AJUBA: variants seen among roughly 807,000 people sequenced by gnomAD.
AJUBA encodes ajuba LIM protein.
A neutral mutation model predicts 53.3 loss-of-function variants in AJUBA; 20 were observed. The observed-to-expected ratio is 0.38, with a 90% CI of 0.26 to 0.55. The LOEUF (loss-of-function observed/expected upper bound fraction) is 0.55, where lower values mean the gene tolerates loss of function less well. AJUBA is among the 20% of genes least tolerant of loss of function. AJUBA has a pLI of 0.80. For missense variants in AJUBA, 580 were observed against 730.5 expected (o/e 0.79, Z 2.38); for synonymous variants, 296 against 306.2 (o/e 0.97, Z 0.35).
At position 22,981,497 on chromosome 14, in the gene AJUBA, G is replaced by GC. The variant is rs1327169406; in HGVS notation, c.769dup (p.Ala257GlyfsTer49). Reference sequence around the variant, plus strand: ...GGTCACAGAGTGTCGTCCGGGTTGCGCCCCCCGTCTCTCCAAGGGCCCCGC... The same window carrying GC: ...GGTCACAGAGTGTCGTCCGGGTTGCGCCCCCCCGTCTCTCCAAGGGCCCCGC... On this transcript the variant is annotated frameshift_variant, in exon 1 of 8. Coordinates refer to ENST00000262713, the MANE Select transcript of AJUBA (RefSeq NM_032876.6). LOFTEE classifies it high-confidence loss of function. The GC allele has an allele frequency of 1.3e-6, 2 of 1,588,266 alleles. No homozygotes were observed. Among genetic ancestry groups the GC allele is most frequent in the Non-Finnish European group, 8.5e-7 (1 of 1,170,184 alleles).
intron 1 of AJUBA, 32 bp from the exon 2 acceptor site, chr14:22,978,477 C>T (rs759847978): frequency 6.3e-7 from 1 of 1,594,860 alleles, no homozygotes; most frequent in South Asian, 1.1e-5. Context: ...ACTCTACTCC[C>T]CCAGGTCAAA....
At chr14:22,980,624 G>C (rs2045077697) in intron 1 of AJUBA, 1 of 985,206 alleles carries the variant, frequency 1.0e-6, no homozygotes, top group African/African-American at 1.7e-5. Flanking sequence ...GACTGGGGAG[G>C]GACAGCAGTT....
At chr14:22,974,513 A>G (rs760805602) in intron 6 of AJUBA, 1 of 432,050 alleles carries the variant, frequency 2.3e-6, no homozygotes, top group Non-Finnish European at 4.2e-6. Context: ...ATCATTTCTG[A>G]CCCCTTCCTA....
chr14:22,972,259 G>C lies in AJUBA; in HGVS notation c.*1184C>G, dbSNP rs539483747. ...TTTGGGATTGTGATGGATGCAATCC[G>C]GGACCCCTCTGAGAGGTGGCAAGTG... On this transcript the variant is annotated 3_prime_UTR_variant, in exon 8 of 8. Coordinates refer to ENST00000262713, the MANE Select transcript of AJUBA (RefSeq NM_032876.6). 1 of 152,232 alleles carries C rather than the reference G, an allele frequency of 6.6e-6. No individual in the cohort carries two copies. The highest frequency in any genetic ancestry group is 1.5e-5 in the Non-Finnish European group (1 of 68,032). 9.4% of individuals were successfully genotyped at this position (152,232 alleles called of 1,614,324 possible).
In AJUBA at chr14:22,976,696, G is replaced by C. The variant is rs2045040102; in HGVS notation, c.1125C>G (p.Cys375Trp). 6.2e-7 allele frequency: 1 copy of C among 1,613,904 alleles called. No homozygotes were observed. The highest frequency in any genetic ancestry group is 1.7e-5 in the Admixed American group (1 of 59,982). ...AGCCATTGACACTGTAGAAAGCCTTGCAACGCAAAGTTCGCCCTAGAAACA... is the reference window on the plus strand; with the variant it reads ...AGCCATTGACACTGTAGAAAGCCTTCCAACGCAAAGTTCGCCCTAGAAACA... Reference protein sequence around the residue: ...VCCSCGRTLRCKAFYSVNGSV... With the variant: ...VCCSCGRTLRWKAFYSVNGSV... The change falls in exon 3 of 8, where the codon TGC (cysteine) becomes TGG (tryptophan). Residue 375 changes from cysteine to tryptophan, a missense_variant. Cys to Trp is a radical substitution (Grantham distance 215). Around this residue, in one of 2 missense-constraint regions of AJUBA, gnomAD observed 150 missense variants for 259.0 expected, o/e 0.58. Transcript: ENST00000262713.
At position 22,982,232 on chromosome 14, in the gene AJUBA, A is replaced by G. The variant is rs1265884857; in HGVS notation, c.35T>C (p.Leu12Pro). Reference protein sequence around the residue: ...ERLGEKASRLLEKFGRRKGES... With the variant: ...ERLGEKASRLPEKFGRRKGES... Reference sequence around the variant, plus strand: ...ACCCTTTCTGCGGCCGAACTTCTCCAGCAGGCGACTGGCTTTCTCTCCTAA... The same window carrying G: ...ACCCTTTCTGCGGCCGAACTTCTCCGGCAGGCGACTGGCTTTCTCTCCTAA... The change falls in exon 1 of 8, where the codon CTG (leucine) becomes CCG (proline). Residue 12 changes from leucine to proline, a missense_variant. Leu to Pro is a moderately conservative substitution (Grantham distance 98). Around this residue, in one of 2 missense-constraint regions of AJUBA, gnomAD observed 430 missense variants for 471.5 expected, o/e 0.91. Coordinates refer to ENST00000262713, the MANE Select transcript of AJUBA (RefSeq NM_032876.6). 1 of 1,613,842 alleles carries G rather than the reference A, an allele frequency of 6.2e-7. No individual in the cohort carries two copies. The highest frequency in any genetic ancestry group is 1.7e-5 in the Admixed American group (1 of 60,026).
chr14:22,981,961 A>C lies in AJUBA; in HGVS notation c.306T>G (p.Pro102=). The C allele has an allele frequency of 6.3e-7, 1 of 1,576,358 alleles. No homozygotes were observed. The highest frequency in any genetic ancestry group is 8.6e-7 in the Non-Finnish European group (1 of 1,165,598). The change falls in exon 1 of 8, where the codon CCT becomes CCG. Residue 102 remains proline (P), a synonymous_variant. Transcript: ENST00000262713. The part of the protein sequence containing the change: ...GPPPTRALPL[P]QSLPPDFRLE... Reference sequence around the variant, plus strand: ...GCCGAAAATCGGGGGGCAACGACTGAGGTAGAGGCAAGGCCCGGGTGGGCG... The same window carrying C: ...GCCGAAAATCGGGGGGCAACGACTGCGGTAGAGGCAAGGCCCGGGTGGGCG...
chr14:22,978,461 T>G lies in AJUBA; in HGVS notation c.1007-16A>C. 6.2e-7 allele frequency: 1 copy of G among 1,605,292 alleles called. No homozygotes were observed. The highest frequency in any genetic ancestry group is 8.5e-7 in the Non-Finnish European group (1 of 1,172,714). On this transcript the variant is annotated splice_polypyrimidine_tract_variant and intron_variant, in intron 1 of 7. Coordinates refer to ENST00000262713, the MANE Select transcript of AJUBA (RefSeq NM_032876.6). ...ATACAGGTGCCTGAGAAGAGAAAAG[T>G]GTCACACTCTACTCCCCCAGGTCAA...
At chr14:22,978,799 T>G in intron 1 of AJUBA, 9 of 1,206,976 alleles carry the variant, frequency 7.5e-6, no homozygotes, top group Non-Finnish European at 9.5e-6. Context: ...TCTGTTGCAG[T>G]GTGTAGGATG....
Position 22,982,486 on chromosome 14 carries a change from G to A in AJUBA, c.-220C>T. 3 of 1,413,190 alleles carry A rather than the reference G, an allele frequency of 2.1e-6. No individual in the cohort carries two copies. Among genetic ancestry groups the A allele is most frequent in the Non-Finnish European group, 2.8e-6 (3 of 1,090,608 alleles). 87.5% of individuals were successfully genotyped at this position (1,413,190 alleles called of 1,614,324 possible). A position where few individuals can be genotyped will look rare whatever the true frequency, so the allele number is the denominator to read the frequency against. On this transcript the variant is annotated 5_prime_UTR_variant, in exon 1 of 8. Transcript: ENST00000262713. ...GCGCATCTGGGGCTGAGCGGGGCTA[G>A]CAGGGTCTCTGGCCGCGGCTGTCCA...
At chr14:22,980,925 G>T (rs2045083441) in intron 1 of AJUBA, among the ~76,000 whole-genome samples, 1 of 152,056 alleles carries the variant, frequency 6.6e-6, no homozygotes, top group Admixed American at 6.5e-5. Flanking sequence ...TGAAAGGGGG[G>T]AGCAAGTTGG....
In AJUBA at chr14:22,982,203, A is replaced by G. The variant is rs745658078; in HGVS notation, c.64T>C (p.Ser22Pro). The change falls in exon 1 of 8, where the codon TCT becomes CCT. Residue 22 changes from serine to proline, a missense_variant. This residue lies in a region of AJUBA where 430 missense variants were observed against 471.5 expected (regional missense o/e 0.91). Transcript: ENST00000262713. ...LEKFGRRKGE[S>P]SRSGSDGTPG... ...GTCCCGTCAGACCCAGACCGGCTAG[A>G]TTCACCCTTTCTGCGGCCGAACTTC... 1.4e-5 allele frequency: 22 copies of G among 1,613,576 alleles called. No individual in the cohort carries two copies. Among genetic ancestry groups the G allele is most frequent in the Non-Finnish European group, 1.9e-5 (22 of 1,179,846 alleles).
intron 1 of AJUBA, among the ~76,000 whole-genome samples, chr14:22,980,371 AGC>A (rs1376843461): frequency 3.9e-5 from 6 of 152,174 alleles, no homozygotes; most frequent in Non-Finnish European, 7.4e-5. Context: ...GGAGGGAGAC[AGC>A]GACCAGGTTT....
In AJUBA at chr14:22,981,322, A is replaced by G. The variant is rs1297309704; in HGVS notation, c.945T>C (p.Pro315=). The G allele has an allele frequency of 1.2e-6, 2 of 1,612,338 alleles. No individual in the cohort carries two copies. Among genetic ancestry groups the G allele is most frequent in the Non-Finnish European group, 1.7e-6 (2 of 1,179,020 alleles). The change falls in exon 1 of 8, where the codon CCT becomes CCC. Residue 315 remains proline (P), a synonymous_variant. Transcript: ENST00000262713. ...EPSGLEEPPG[P]FVPEAARARM... is the part of the protein sequence containing the mutation. The stretch of plus-strand genomic sequence containing the variant: ...GGGCCCGGGCGGCCTCCGGAACGAA[A>G]GGACCTGGTGGCTCCTCCAGACCCG...
At position 22,972,340 on chromosome 14, in the gene AJUBA, T is replaced by TGA. The variant is rs1006300659; in HGVS notation, c.*1101_*1102dup. 1 of 129,636 alleles carries TGA rather than the reference T, an allele frequency of 7.7e-6. No individual in the cohort carries two copies. Among genetic ancestry groups the TGA allele is most frequent in the East Asian group, 2.1e-4 (1 of 4,778 alleles). The allele number at this position is 129,636 out of a possible 1,614,324, so 8.0% of individuals were successfully genotyped here. ...GACCTGAGAAGAGAGTAAGAAAGAG[T>TGA]GAGAGAGAGACAGAGAGACAAGAGA... On this transcript the variant is annotated 3_prime_UTR_variant, in exon 8 of 8. Coordinates refer to ENST00000262713, the MANE Select transcript of AJUBA (RefSeq NM_032876.6).
intron 7 of AJUBA, 113 bp from the exon 8 acceptor site, chr14:22,973,681 G>A: frequency 7.0e-7 from 1 of 1,426,672 alleles, no homozygotes; most frequent in Non-Finnish European, 9.5e-7. Context: ...GAAAGGGATG[G>A]GGTGGGAAGG....
At chr14:22,978,724 G>T (rs2045060681) in intron 1 of AJUBA, 2 of 1,238,856 alleles carry the variant, frequency 1.6e-6, no homozygotes, top group Non-Finnish European at 2.1e-6. Context: ...TCGAAGATAT[G>T]GTCCCTGGCA....
rs779466558 is a variant in AJUBA at position 22,975,107 on chromosome 14, G to A, written c.1240-3C>T. 3 of 1,608,330 alleles carry A rather than the reference G, an allele frequency of 1.9e-6. No individual in the cohort carries two copies. The highest frequency in any genetic ancestry group is 1.7e-5 in the Admixed American group (1 of 59,916). ...GACTTCCCCATTGCTTGTAGGATCT[G>A]GCTCATGGGGTAGCAAGAGAATCAG... On this transcript the variant is annotated splice_polypyrimidine_tract_variant and splice_region_variant and intron_variant, in intron 4 of 7. Transcript: ENST00000262713.
rs774298168 is a variant in AJUBA at position 22,982,098 on chromosome 14, C to T, written c.169G>A (p.Gly57Arg). Residue 57 changes from glycine to arginine, a missense_variant, in exon 1 of 8, where the codon GGG (glycine) becomes AGG (arginine). By Grantham distance (125) the Gly-to-Arg change is moderately radical. Coordinates refer to ENST00000262713, the MANE Select transcript of AJUBA (RefSeq NM_032876.6). ...SGPRGATGGP[G>R]DEPLEPAREQ... ...CGGGCCGGCTCCAACGGCTCATCCCCAGGTCCCCCAGTAGCTCCTCGGGGC... is the reference window on the plus strand; with the variant it reads ...CGGGCCGGCTCCAACGGCTCATCCCTAGGTCCCCCAGTAGCTCCTCGGGGC... The T allele has an allele frequency of 4.4e-6, 7 of 1,594,536 alleles. No homozygotes were observed. The highest frequency in any genetic ancestry group is 6.0e-6 in the Non-Finnish European group (7 of 1,172,860).
Sources: allele counts gnomAD v4.1 joint callset (sites outside exome capture counted in the v4.1 genomes callset), GRCh38; gene constraint gnomAD v4.1.1; regional missense constraint gnomAD v4.1.1; transcripts MANE v1.5; gene names NCBI Gene and HGNC (gene_info 2026-07-23, HGNC 2026-07-21).